The following SDCCAG8 variants were observed in gnomAD, a reference collection of about 807,000 sequenced individuals.
SDCCAG8 encodes the protein SHH signaling and ciliogenesis regulator SDCCAG8.
Under a neutral mutation model 101.8 loss-of-function variants are expected in SDCCAG8, and 74 were observed. That is an observed-to-expected ratio of 0.73 (90% confidence interval 0.60 to 0.88). The LOEUF (loss-of-function observed/expected upper bound fraction) is 0.88. SDCCAG8 is among the 40% of genes least tolerant of loss of function. SDCCAG8 has a pLI of 0.00. For missense variants in SDCCAG8, 787 were observed against 822.6 expected, an observed-to-expected ratio of 0.96 and a Z score of 0.53; for synonymous variants, 281 against 292.9, an observed-to-expected ratio of 0.96 and a Z score of 0.41.
intron 12 of SDCCAG8, among the ~76,000 whole-genome samples, chr1:243,353,047 A>G (rs1324578235): frequency 6.6e-6 from 1 of 152,152 alleles, no homozygotes; most frequent in African/African-American, 2.4e-5. Context: ...TGTGCACTCT[A>G]CTTAGCTATA....
At chr1:243,304,639 ATATT>A in intron 6 of SDCCAG8, 70 bp from the exon 7 acceptor site, 2 of 783,442 alleles carry the variant, frequency 2.6e-6, no homozygotes, top group Non-Finnish European at 2.1e-6. Flanking sequence ...ATTGAGTTTA[ATATT>A]AAAAATTAAA....
intron 3 of SDCCAG8, among the ~76,000 whole-genome samples, chr1:243,274,240 G>C (rs1202139160): frequency 6.6e-6 from 1 of 152,114 alleles, no homozygotes; most frequent in Non-Finnish European, 1.5e-5. Context: ...CCAAAACTCA[G>C]AGCAAGAACT....
chr1:243,332,773 G>A (rs2074715111), intron 10 of SDCCAG8, among the ~76,000 whole-genome samples: 1 of 151,982 alleles, frequency 6.6e-6, no homozygotes, highest in African/African-American at 2.4e-5. Context: ...CGGGTCTGGA[G>A]GTGATTATCG....
intron 13 of SDCCAG8, among the ~76,000 whole-genome samples, chr1:243,410,494 C>A (rs2080094487): frequency 6.6e-6 from 1 of 152,042 alleles, no homozygotes; most frequent in South Asian, 2.1e-4. Flanking sequence ...AAAATTTTAT[C>A]TTAAAAGGGA....
At chr1:243,398,525 ACTT>A (rs1386486185) in intron 13 of SDCCAG8, among the ~76,000 whole-genome samples, 1 of 152,134 alleles carries the variant, frequency 6.6e-6, no homozygotes, top group African/African-American at 2.4e-5. Context: ...TTATCTAATA[ACTT>A]CTTATTAATC....
intron 13 of SDCCAG8, among the ~76,000 whole-genome samples, chr1:243,387,138 C>T (rs191749253): frequency 3.9e-5 from 6 of 152,306 alleles, no homozygotes; most frequent in Non-Finnish European, 7.4e-5. Context: ...TTTATACACA[C>T]GTGGTTGGGT....
At chr1:243,332,017 C>T (rs528633904) in intron 10 of SDCCAG8, among the ~76,000 whole-genome samples, 22 of 152,258 alleles carry the variant, frequency 1.4e-4, no homozygotes, top group Non-Finnish European at 1.6e-4. Flanking sequence ...AAAGACTTTC[C>T]TGAGTAAGAG....
chr1:243,281,602 AT>A (rs997706308), intron 4 of SDCCAG8, among the ~76,000 whole-genome samples: 4 of 123,636 alleles, frequency 3.2e-5, no homozygotes, highest in African/African-American at 1.2e-4. Context: ...CATTGTCTTT[AT>A]TTTTTGTTTC....
intron 16 of SDCCAG8, among the ~76,000 whole-genome samples, chr1:243,488,741 C>T (rs982751622): frequency 6.6e-6 from 1 of 152,160 alleles, no homozygotes; most frequent in Non-Finnish European, 1.5e-5. Context: ...TTCAAAGCTT[C>T]CTTTTCCTTC....
chr1:243,269,075 T>C (rs1421340357), intron 1 of SDCCAG8: 3 of 152,646 alleles, frequency 2.0e-5, no homozygotes. Flanking sequence ...ACGTATGCTC[T>C]TCACAGGTCT....
At chr1:243,426,289 C>T in intron 15 of SDCCAG8, 138 bp from the exon 16 acceptor site, 1 of 753,254 alleles carries the variant, frequency 1.3e-6, no homozygotes, top group East Asian at 2.7e-5. Flanking sequence ...GAAATATTTT[C>T]TTTTGCAAAG....
At chr1:243,446,023 G>A (rs1397807156) in intron 16 of SDCCAG8, among the ~76,000 whole-genome samples, 7 of 152,258 alleles carry the variant, frequency 4.6e-5, no homozygotes, top group South Asian at 2.1e-4. Context: ...GAGCACAAGC[G>A]CCCATTTGTG....
Position 243,491,610 on chromosome 1 carries a change from G to T in SDCCAG8, c.2112+2470G>T, listed in dbSNP as rs563159942. ...GCCTGGCCTTCACCTCTAGGTAGGG[G>T]CTGTCAGTGGGCTTCAGCCTCTGCG... is the stretch of plus-strand genomic sequence containing the variant. On this transcript the variant is annotated intron_variant, in intron 17 of 17. Coordinates refer to ENST00000366541, the MANE Select transcript of SDCCAG8 (RefSeq NM_006642.5). Among the ~76,000 whole-genome samples the T allele has an allele frequency of 4.1e-4, 62 of 152,336 alleles. 1 individual carries two copies. In the Middle Eastern group the frequency reaches 0.027, roughly 67 times the overall value.
At chr1:243,350,796 T>G (rs1317258831) in intron 12 of SDCCAG8, among the ~76,000 whole-genome samples, 3 of 152,218 alleles carry the variant, frequency 2.0e-5, no homozygotes, top group Admixed American at 1.3e-4. Context: ...ATGGAACCTT[T>G]TCCCTGGAAG....
intron 12 of SDCCAG8, among the ~76,000 whole-genome samples, chr1:243,356,300 T>TTGAAGTATC (rs1205005849): frequency 2.0e-5 from 3 of 152,120 alleles, no homozygotes; most frequent in Admixed American, 2.0e-4. Context: ...AACCTGAAGT[T>TTGAAGTATC]TGAAGTATCT....
intron 12 of SDCCAG8, among the ~76,000 whole-genome samples, chr1:243,371,631 C>T (rs2077295318): frequency 6.6e-6 from 1 of 152,130 alleles, no homozygotes; most frequent in Admixed American, 6.5e-5. Context: ...TATCAGCAAC[C>T]TTCTGCATCT....
intron 16 of SDCCAG8, among the ~76,000 whole-genome samples, chr1:243,459,509 G>A (rs779508329): frequency 3.9e-5 from 6 of 152,092 alleles, no homozygotes; most frequent in African/African-American, 9.7e-5. Context: ...AAAGGCTTGG[G>A]GGGTGGGGGG....
intron 9 of SDCCAG8, among the ~76,000 whole-genome samples, chr1:243,321,716 C>T (rs553757119): frequency 6.6e-6 from 1 of 152,206 alleles, no homozygotes; most frequent in South Asian, 2.1e-4. Context: ...GTGGTGTGAT[C>T]TTGGTTCACT....
At chr1:243,468,203 A>G (rs1338234072) in intron 16 of SDCCAG8, among the ~76,000 whole-genome samples, 1 of 151,914 alleles carries the variant, frequency 6.6e-6, no homozygotes, top group Non-Finnish European at 1.5e-5. Flanking sequence ...AATATTATCA[A>G]TAATACCTTC....
Sources: allele counts gnomAD v4.1 joint callset (sites outside exome capture counted in the v4.1 genomes callset), GRCh38; gene constraint gnomAD v4.1.1; transcripts MANE v1.5; gene names NCBI Gene and HGNC (gene_info 2026-07-23, HGNC 2026-07-21).